Variants in CFAP20DC observed in about 807,000 individuals in gnomAD.
CFAP20DC encodes the protein CFAP20 domain containing.
Under a neutral mutation model 101.7 loss-of-function variants are expected in CFAP20DC, and 84 were observed. The ratio of observed to expected loss-of-function variants is 0.83; its 90% CI spans 0.69 to 0.99. The LOEUF is 0.99. Among genes scored for constraint, CFAP20DC ranks in the 50% least tolerant of loss-of-function variants. The probability of loss-of-function intolerance (pLI) is 0.00; values close to 1 mark genes in which losing one functional copy is unlikely to be tolerated. For synonymous variants in CFAP20DC, 359 were observed against 351.2 expected, an observed-to-expected ratio of 1.02 and a Z score of -0.25; for missense variants, 1,007 against 970.3, an observed-to-expected ratio of 1.04 and a Z score of -0.50.
intron 15 of CFAP20DC, among the ~76,000 whole-genome samples, chr3:58,771,406 C>CAA (rs544858645): frequency 5.4e-5 from 8 of 149,270 alleles, no homozygotes; most frequent in African/African-American, 2.0e-4. Context: ...TAATAAAAAA[C>CAA]AAAAAAAAAC....
chr3:58,905,030 A>T (rs72881674), intron 6 of CFAP20DC, among the ~76,000 whole-genome samples: 6,581 of 152,292 alleles, frequency 0.043, 469 homozygotes, highest in African/African-American at 0.15. Context: ...ACATGAAAAT[A>T]CAGGGTCTAT....
intron 3 of CFAP20DC, among the ~76,000 whole-genome samples, chr3:58,719,870 C>A (rs1211684060): frequency 6.6e-6 from 1 of 152,242 alleles, no homozygotes; most frequent in Non-Finnish European, 1.5e-5. Context: ...GGCACTCTGC[C>A]CATGCAAACC....
intron 4 of CFAP20DC, among the ~76,000 whole-genome samples, chr3:58,948,563 T>G (rs2089668758): frequency 6.6e-6 from 1 of 152,214 alleles, no homozygotes; most frequent in Non-Finnish European, 1.5e-5. Context: ...TTTTGTCACT[T>G]GGTAGTAATG....
At chr3:58,789,800 T>C (rs1433366422) in intron 15 of CFAP20DC, among the ~76,000 whole-genome samples, 1 of 152,192 alleles carries the variant, frequency 6.6e-6, no homozygotes, top group African/African-American at 2.4e-5. Context: ...ACCATTATTG[T>C]GAGTAAATTA....
At chr3:58,942,528 C>A (rs924256111) in intron 4 of CFAP20DC, among the ~76,000 whole-genome samples, 3 of 152,204 alleles carry the variant, frequency 2.0e-5, no homozygotes, top group Non-Finnish European at 2.9e-5. Flanking sequence ...CCATGAGGAA[C>A]GGTGCATTCT....
chr3:59,001,964 T>C lies in CFAP20DC; in HGVS notation c.278+37593A>G, dbSNP rs1181813121. On this transcript the variant is annotated intron_variant, in intron 4 of 16. Coordinates refer to ENST00000482387, the MANE Select transcript of CFAP20DC (RefSeq NM_001394063.1). This position sits in a 1 kb window ranked among gnomAD's most constrained non-coding sequence, Gnocchi z 4.5. The stretch of plus-strand genomic sequence containing the variant: ...CATTCTAAATTGAAAAAGTGAACTA[T>C]TAAACAAAAATGTAAGTAACTTTTG... Among the ~76,000 whole-genome samples, 5 of 152,168 alleles carry C rather than the reference T, an allele frequency of 3.3e-5. No individual in the cohort carries two copies. The East Asian group carries it at 9.6e-4, about 29-fold the overall frequency.
At chr3:58,924,292 T>C (rs2107580985) in intron 5 of CFAP20DC, among the ~76,000 whole-genome samples, 1 of 152,298 alleles carries the variant, frequency 6.6e-6, no homozygotes, top group East Asian at 1.9e-4. Context: ...TGTACATGTG[T>C]ATCCATTGTT....
intron 13 of CFAP20DC, among the ~76,000 whole-genome samples, chr3:58,841,871 CTTTTG>C (rs1309537934): frequency 2.6e-5 from 4 of 152,106 alleles, no homozygotes; most frequent in Non-Finnish European, 4.4e-5. Flanking sequence ...TTATATAAGT[CTTTTG>C]TTTGTTTGTT....
chr3:58,733,032 T>C (rs943079347), intron 3 of CFAP20DC, among the ~76,000 whole-genome samples: 6 of 152,226 alleles, frequency 3.9e-5, no homozygotes, highest in Non-Finnish European at 7.3e-5. Context: ...TCTGAAATTG[T>C]ATAAAATCTT....
chr3:58,809,726 A>C (rs1338557659), intron 14 of CFAP20DC, among the ~76,000 whole-genome samples: 7 of 152,140 alleles, frequency 4.6e-5, no homozygotes, highest in Admixed American at 3.3e-4. Flanking sequence ...GGGAAATAGA[A>C]ACACAAAAAA....
Position 59,006,243 on chromosome 3 carries a change from A to G in CFAP20DC, c.278+33314T>C, listed in dbSNP as rs1241600878. On this transcript the variant is annotated intron_variant, in intron 4 of 16. Transcript: ENST00000482387. This position sits in a 1 kb window ranked among gnomAD's most constrained non-coding sequence, Gnocchi z 4.3. ...CCAGCAACCAGAATAAGCCAAGAAA[A>G]CTATAAAATCATGACGTTAAAAAGC... is the stretch of plus-strand genomic sequence containing the variant. 6.6e-6 allele frequency among the ~76,000 whole-genome samples: 1 copy of G among 152,116 alleles called. No homozygotes were observed. Among genetic ancestry groups the G allele is most frequent in the Non-Finnish European group, 1.5e-5 (1 of 68,028 alleles).
intron 15 of CFAP20DC, among the ~76,000 whole-genome samples, chr3:58,773,626 T>C (rs2071057844): frequency 6.6e-6 from 1 of 152,168 alleles, no homozygotes; most frequent in African/African-American, 2.4e-5. Context: ...TTTACAAATA[T>C]TGCTCATGTT....
At chr3:58,772,558 A>G (rs902971138) in intron 15 of CFAP20DC, among the ~76,000 whole-genome samples, 1 of 152,188 alleles carries the variant, frequency 6.6e-6, no homozygotes, top group African/African-American at 2.4e-5. Flanking sequence ...CCTTTTGACC[A>G]AGTAATTCCA....
At chr3:58,974,777 T>C (rs1488643608) in intron 4 of CFAP20DC, among the ~76,000 whole-genome samples, 1 of 152,116 alleles carries the variant, frequency 6.6e-6, no homozygotes. Context: ...TCCATGCCAT[T>C]TGCAAGTGGT....
chr3:58,836,466 T>A (rs1443477751), intron 13 of CFAP20DC, among the ~76,000 whole-genome samples: 2 of 152,134 alleles, frequency 1.3e-5, no homozygotes, highest in Non-Finnish European at 2.9e-5. Context: ...GAACCAGTTC[T>A]GCTAAACATT....
At chr3:58,794,564 GT>G (rs2073098360) in intron 15 of CFAP20DC, among the ~76,000 whole-genome samples, 1 of 152,136 alleles carries the variant, frequency 6.6e-6, no homozygotes, top group Admixed American at 6.5e-5. Context: ...AAAATTATGT[GT>G]TTTAACTTTA....
At chr3:58,870,913 A>AG in intron 7 of CFAP20DC, among the ~76,000 whole-genome samples, 1 of 150,066 alleles carries the variant, frequency 6.7e-6, no homozygotes, top group African/African-American at 2.4e-5. Flanking sequence ...AAAAAAAAAA[A>AG]AAAAAAAAAA....
chr3:58,859,979 C>A lies in CFAP20DC; in HGVS notation c.1593+3579G>T, dbSNP rs1350368244. The stretch of plus-strand genomic sequence containing the variant: ...AGATCACGAGGTCAGGAGATCGAGA[C>A]CATCCTGGCCAACATGGTGAAACCC... On this transcript the variant is annotated intron_variant, in intron 12 of 16. Coordinates refer to ENST00000482387, the MANE Select transcript of CFAP20DC (RefSeq NM_001394063.1). The surrounding 1 kb of genome is among the most constrained non-coding windows in gnomAD (Gnocchi z 4.1). 6.6e-6 allele frequency among the ~76,000 whole-genome samples: 1 copy of A among 151,820 alleles called. No homozygotes were observed. The highest frequency in any genetic ancestry group is 2.4e-5 in the African/African-American group (1 of 41,350).
chr3:59,026,463 G>A (rs2093894921), intron 4 of CFAP20DC, among the ~76,000 whole-genome samples: 1 of 152,120 alleles, frequency 6.6e-6, no homozygotes, highest in Non-Finnish European at 1.5e-5. Context: ...TTTCTTTAAA[G>A]GAAGGCAATG....
Sources: allele counts gnomAD v4.1 joint callset (sites outside exome capture counted in the v4.1 genomes callset), GRCh38; gene constraint gnomAD v4.1.1; non-coding constraint Gnocchi (gnomAD v3.1); transcripts MANE v1.5; gene names NCBI Gene and HGNC (gene_info 2026-07-23, HGNC 2026-07-21).